The following TMCO4 variants were observed in gnomAD, a reference collection of about 807,000 sequenced individuals.
The protein encoded by TMCO4 is transmembrane and coiled-coil domains 4, also known as transmembrane and coiled-coil domain-containing protein 4.
A neutral mutation model predicts 64.7 loss-of-function variants in TMCO4; 58 were observed. The observed-to-expected ratio is 0.90, with a 90% CI of 0.73 to 1.12. The LOEUF (loss-of-function observed/expected upper bound fraction) is 1.12, where lower values mean the gene tolerates loss of function less well. TMCO4 is among the 50% of genes most tolerant of loss of function. The probability of loss-of-function intolerance (pLI) is 0.00; values close to 1 mark genes in which losing one functional copy is unlikely to be tolerated. For missense variants in TMCO4, 780 were observed against 825.9 expected (o/e 0.94, Z 0.68); for synonymous variants, 325 against 346.1 (o/e 0.94, Z 0.68).
chr1:19,795,349 G>A (rs751660330), intron 2 of TMCO4, among the ~76,000 whole-genome samples: 27 of 152,236 alleles, frequency 1.8e-4, no homozygotes, highest in Admixed American at 6.5e-4. Context: ...GCGAGCACCT[G>A]TAGTCCCAGC....
At chr1:19,683,787 T>G (rs1055841571) in intron 15 of TMCO4, among the ~76,000 whole-genome samples, 1 of 71,056 alleles carries the variant, frequency 1.4e-5, no homozygotes, top group Non-Finnish European at 3.1e-5. Flanking sequence ...TTTTTTTTTT[T>G]TGAGACAGGC....
intron 14 of TMCO4, among the ~76,000 whole-genome samples, chr1:19,699,110 G>A (rs964047699): frequency 6.6e-6 from 1 of 151,876 alleles, no homozygotes; most frequent in Non-Finnish European, 1.5e-5. Flanking sequence ...GCAGGAGAAT[G>A]GCATGAACCT....
In TMCO4 at chr1:19,780,578, A is replaced by G. The variant is rs752836913; in HGVS notation, c.179+2T>C. 14 of 1,591,532 alleles carry G rather than the reference A, an allele frequency of 8.8e-6. No individual in the cohort carries two copies. Among genetic ancestry groups the G allele is most frequent in the Non-Finnish European group, 1.2e-5 (14 of 1,169,676 alleles). On this transcript the variant is annotated splice_donor_variant, in intron 4 of 15. Coordinates refer to ENST00000294543, the MANE Select transcript of TMCO4 (RefSeq NM_181719.7). LOFTEE classifies it high-confidence loss of function. ...TTCCCACTGCAAGACAGAAGAACTCACCTGTGTTCGGGTTCAGGAAATAAC... is the reference window on the plus strand; with the variant it reads ...TTCCCACTGCAAGACAGAAGAACTCGCCTGTGTTCGGGTTCAGGAAATAAC...
chr1:19,757,490 T>G (rs2042319050), intron 6 of TMCO4, among the ~76,000 whole-genome samples: 1 of 152,162 alleles, frequency 6.6e-6, no homozygotes, highest in Non-Finnish European at 1.5e-5. Flanking sequence ...AGATTCTTAA[T>G]GTAATCACAC....
chr1:19,695,332 A>T (rs1314217728), intron 14 of TMCO4, among the ~76,000 whole-genome samples: 1 of 152,202 alleles, frequency 6.6e-6, no homozygotes, highest in Admixed American at 6.5e-5. Flanking sequence ...CCCTTGAAGC[A>T]GCCTTCCCTC....
intron 13 of TMCO4, among the ~76,000 whole-genome samples, chr1:19,724,848 G>A (rs954130753): frequency 2.0e-5 from 3 of 152,062 alleles, no homozygotes; most frequent in East Asian, 1.9e-4. Context: ...TGCAACCTCC[G>A]CCTCCCAGGT....
intron 15 of TMCO4, among the ~76,000 whole-genome samples, chr1:19,693,115 G>A (rs577486983): frequency 7.1e-6 from 1 of 140,310 alleles, no homozygotes; most frequent in African/African-American, 2.6e-5. Flanking sequence ...AGAGGTTGCA[G>A]TGAGCCGAGA....
chr1:19,703,474 C>G (rs1403656857), intron 13 of TMCO4, among the ~76,000 whole-genome samples: 2 of 151,166 alleles, frequency 1.3e-5, no homozygotes, highest in South Asian at 4.2e-4. Flanking sequence ...TCCTTCCCTC[C>G]TTCCTTCCTT....
chr1:19,698,466 GT>G (rs1234801817), intron 14 of TMCO4, among the ~76,000 whole-genome samples: 2 of 152,200 alleles, frequency 1.3e-5, no homozygotes, highest in Admixed American at 1.3e-4. Flanking sequence ...CTTCCAGAAG[GT>G]TCGTGAATAG....
At chr1:19,764,122 A>T (rs1364723561) in intron 6 of TMCO4, among the ~76,000 whole-genome samples, 4 of 152,166 alleles carry the variant, frequency 2.6e-5, no homozygotes, top group Admixed American at 6.5e-5. Context: ...TTCCTGCCGC[A>T]TGGGCACCCG....
At chr1:19,755,330 T>C (rs2042198737) in intron 7 of TMCO4, among the ~76,000 whole-genome samples, 1 of 152,246 alleles carries the variant, frequency 6.6e-6, no homozygotes, top group Non-Finnish European at 1.5e-5. Flanking sequence ...TTTATCATGT[T>C]GGTCAGGCTG....
chr1:19,730,315 A>G (rs557441813), intron 13 of TMCO4, among the ~76,000 whole-genome samples: 1 of 152,340 alleles, frequency 6.6e-6, no homozygotes, highest in East Asian at 1.9e-4. Context: ...CAACAACCAG[A>G]GTTCCCCTGG....
At chr1:19,753,468 G>T (rs1025342328) in intron 7 of TMCO4, among the ~76,000 whole-genome samples, 22 of 152,148 alleles carry the variant, frequency 1.4e-4, no homozygotes, top group Admixed American at 1.1e-3. Flanking sequence ...GAGGGAAGCC[G>T]GGTGGCCTTA....
intron 13 of TMCO4, among the ~76,000 whole-genome samples, chr1:19,703,750 G>A (rs530496082): frequency 1.3e-3 from 196 of 152,042 alleles, no homozygotes; most frequent in Non-Finnish European, 2.4e-3. Context: ...GTTTCACCAC[G>A]TTGGCCAGGC....
At chr1:19,755,274 T>C (rs2042193892) in intron 7 of TMCO4, among the ~76,000 whole-genome samples, 1 of 152,202 alleles carries the variant, frequency 6.6e-6, no homozygotes, top group Non-Finnish European at 1.5e-5. Flanking sequence ...TACAGGCACA[T>C]GCCAGCGTGC....
intron 7 of TMCO4, among the ~76,000 whole-genome samples, chr1:19,753,715 G>A (rs746216586): frequency 1.3e-4 from 20 of 152,200 alleles, no homozygotes; most frequent in Non-Finnish European, 2.6e-4. Context: ...AGGGTTAGTA[G>A]CAGAATCAAA....
chr1:19,769,785 G>A (rs764693067), intron 6 of TMCO4, among the ~76,000 whole-genome samples: 1 of 152,082 alleles, frequency 6.6e-6, no homozygotes, highest in Non-Finnish European at 1.5e-5. Context: ...CTTAATGCAG[G>A]CATCCTGGAA....
chr1:19,746,695 T>C (rs1220576573), intron 8 of TMCO4, 96 bp from the exon 9 acceptor site: 54 of 1,432,978 alleles, frequency 3.8e-5, no homozygotes, highest in Admixed American at 2.2e-5. Context: ...GAGGCCGAGG[T>C]GGGCGGATCA....
Position 19,795,298 on chromosome 1 carries a change from C to T in TMCO4, c.-101+2839G>A, listed in dbSNP as rs947267787. ...CTACCTGGACAACATGGTGAAACCCCGTCTCTACTAAAAATACACAAAAAT... is the reference window on the plus strand; with the variant it reads ...CTACCTGGACAACATGGTGAAACCCTGTCTCTACTAAAAATACACAAAAAT... On this transcript the variant is annotated intron_variant, in intron 2 of 15. Transcript: ENST00000294543. Among the ~76,000 whole-genome samples the T allele has an allele frequency of 3.9e-5, 6 of 151,912 alleles. No individual in the cohort carries two copies. In the East Asian group the frequency reaches 7.7e-4, roughly 20 times the overall value.
Sources: allele counts gnomAD v4.1 joint callset (sites outside exome capture counted in the v4.1 genomes callset), GRCh38; gene constraint gnomAD v4.1.1; transcripts MANE v1.5; gene names NCBI Gene and HGNC (gene_info 2026-07-23, HGNC 2026-07-21).